The following FAM13A variants were observed in gnomAD, a reference collection of about 807,000 sequenced individuals.
FAM13A encodes protein FAM13A.
FAM13A carries 76 observed loss-of-function variants against 129.6 expected under a neutral mutation model. The ratio of observed to expected loss-of-function variants is 0.59; its 90% CI spans 0.49 to 0.71. FAM13A has a LOEUF of 0.71. Ranked by LOEUF, FAM13A falls within the 30% of genes least tolerant of loss-of-function variation. The pLI is 0.00. For synonymous variants in FAM13A, 443 were observed against 449.9 expected (o/e 0.98, Z 0.20); for missense variants, 1,108 against 1,249.3 (o/e 0.89, Z 1.70).
At chr4:88,833,419 C>T (rs1734252737) in intron 7 of FAM13A, among the ~76,000 whole-genome samples, 1 of 151,922 alleles carries the variant, frequency 6.6e-6, no homozygotes, top group African/African-American at 2.4e-5. Flanking sequence ...AGCCTTCTGC[C>T]TTATTTTGTT....
intron 6 of FAM13A, among the ~76,000 whole-genome samples, chr4:88,892,497 AAAC>A (rs774123146): frequency 2.0e-4 from 30 of 152,286 alleles, no homozygotes; most frequent in Non-Finnish European, 3.5e-4. Context: ...TAAAAGAAAG[AAAC>A]AACAACAACA....
At chr4:88,822,172 G>T (rs913071808) in intron 7 of FAM13A, among the ~76,000 whole-genome samples, 4 of 152,086 alleles carry the variant, frequency 2.6e-5, no homozygotes, top group Non-Finnish European at 4.4e-5. Context: ...AGTTGAAGTT[G>T]AAATAGGACA....
chr4:88,863,611 T>C (rs1336941825), intron 6 of FAM13A, among the ~76,000 whole-genome samples: 2 of 152,180 alleles, frequency 1.3e-5, no homozygotes, highest in Admixed American at 1.3e-4. Flanking sequence ...GGGACAGTCT[T>C]GTGGCATTTG....
intron 8 of FAM13A, among the ~76,000 whole-genome samples, chr4:88,791,011 A>T (rs1410969069): frequency 3.9e-5 from 6 of 152,050 alleles, no homozygotes; most frequent in Non-Finnish European, 1.5e-5. Context: ...ATCTTTTCCC[A>T]GCCCAAATCC....
chr4:89,003,221 A>C (rs1337370315), intron 3 of FAM13A, among the ~76,000 whole-genome samples: 1 of 151,380 alleles, frequency 6.6e-6, no homozygotes, highest in African/African-American at 2.5e-5. Flanking sequence ...ATCACCACAG[A>C]AATAAAGAAT....
At chr4:88,728,709 C>T in intron 23 of FAM13A, 50 bp from the exon 24 acceptor site, 3 of 1,602,510 alleles carry the variant, frequency 1.9e-6, no homozygotes, top group Non-Finnish European at 2.6e-6. Flanking sequence ...TCTGTCTTTG[C>T]TAGATACTAT....
rs1229934830 is a variant in FAM13A, at chr4:88,726,379, G to GTGTT, written c.*2150_*2153dup. 2.7e-5 allele frequency: 4 copies of GTGTT among 146,896 alleles called. No homozygotes were observed. Among genetic ancestry groups the GTGTT allele is most frequent in the South Asian group, 2.1e-4 (1 of 4,690 alleles). The allele number at this position is 146,896 out of a possible 1,614,324, so 9.1% of individuals were successfully genotyped here. ...CAATTTATTTTATATAACTTACTTG[G>GTGTT]TGTTTTCTTTTATTGAATCATACAA... On this transcript the variant is annotated 3_prime_UTR_variant, in exon 24 of 24. Transcript: ENST00000264344.
intron 5 of FAM13A, among the ~76,000 whole-genome samples, chr4:88,924,433 G>T (rs1203639021): frequency 6.6e-6 from 1 of 152,106 alleles, no homozygotes; most frequent in Non-Finnish European, 1.5e-5. Flanking sequence ...TGACAAACCT[G>T]ACAAAAACAA....
At chr4:88,936,262 G>T (rs1399659420) in intron 5 of FAM13A, 1 of 152,258 alleles carries the variant, frequency 6.6e-6, no homozygotes, top group South Asian at 2.1e-4. Flanking sequence ...TTGCTATAAA[G>T]AAATACTTAA....
chr4:88,809,755 C>T (rs1008926453), intron 7 of FAM13A, among the ~76,000 whole-genome samples: 4 of 151,738 alleles, frequency 2.6e-5, no homozygotes, highest in Non-Finnish European at 5.9e-5. Context: ...CAGTCTCAGT[C>T]GTTAACCATG....
intron 11 of FAM13A, among the ~76,000 whole-genome samples, chr4:88,769,819 G>C (rs1183196934): frequency 6.6e-6 from 1 of 151,442 alleles, no homozygotes; most frequent in African/African-American, 2.4e-5. Flanking sequence ...GACAGAGCGA[G>C]ACTCTGTCTC....
At chr4:88,909,424 T>C (rs1748677435) in intron 5 of FAM13A, among the ~76,000 whole-genome samples, 1 of 152,126 alleles carries the variant, frequency 6.6e-6, no homozygotes, top group Non-Finnish European at 1.5e-5. Context: ...GATTGGTTAT[T>C]GCCAGGGGTT....
At chr4:88,728,980 ATACT>A (rs1357398833) in intron 23 of FAM13A, 1 of 175,438 alleles carries the variant, frequency 5.7e-6, no homozygotes, top group Non-Finnish European at 1.2e-5. Context: ...TCTTTTATTC[ATACT>A]TAATGTTTTC....
chr4:88,831,887 T>A (rs999047206), intron 7 of FAM13A, among the ~76,000 whole-genome samples: 15 of 61,776 alleles, frequency 2.4e-4, no homozygotes, highest in African/African-American at 1.2e-3. Context: ...AGAATTAGAA[T>A]TTTTTTTTAA....
chr4:88,971,585 C>T (rs1291854874), intron 4 of FAM13A, among the ~76,000 whole-genome samples: 1 of 152,176 alleles, frequency 6.6e-6, no homozygotes, highest in Non-Finnish European at 1.5e-5. Context: ...TGGCTCATTG[C>T]AGCCTTGAAC....
intron 6 of FAM13A, among the ~76,000 whole-genome samples, chr4:88,876,061 T>C (rs552168722): frequency 6.7e-4 from 102 of 152,272 alleles, no homozygotes; most frequent in African/African-American, 2.4e-3. Context: ...AAACACCGCA[T>C]GTTCTCACTC....
intron 6 of FAM13A, among the ~76,000 whole-genome samples, chr4:88,861,728 T>C (rs1739526424): frequency 6.6e-6 from 1 of 152,220 alleles, no homozygotes; most frequent in Non-Finnish European, 1.5e-5. Flanking sequence ...CTCCTACCTC[T>C]AGTAATAAGC....
At chr4:89,011,330 G>T (rs1765702600) in intron 3 of FAM13A, among the ~76,000 whole-genome samples, 1 of 152,134 alleles carries the variant, frequency 6.6e-6, no homozygotes, top group Admixed American at 6.6e-5. Context: ...TCCCTGAATT[G>T]TACTTAAAAA....
At chr4:88,729,968 A>G (rs1440680479) in intron 23 of FAM13A, 1 of 152,222 alleles carries the variant, frequency 6.6e-6, no homozygotes, top group South Asian at 2.1e-4. Context: ...AATACTGTGC[A>G]ATGGGTGGGA....
Sources: gnomAD v4.1 joint callset for allele counts (sites outside exome capture counted in the v4.1 genomes callset) on GRCh38, gnomAD v4.1.1 for gene constraint, MANE v1.5 for transcripts, NCBI Gene and HGNC (gene_info 2026-07-23, HGNC 2026-07-21) for gene names.